The following CAPN10 variants were observed in gnomAD, a reference collection of about 807,000 sequenced individuals.
CAPN10 encodes the protein calpain 10.
A neutral mutation model predicts 78.4 loss-of-function variants in CAPN10; 71 were observed. The ratio of observed to expected loss-of-function variants is 0.91; its 90% CI spans 0.75 to 1.10. The LOEUF (loss-of-function observed/expected upper bound fraction) is 1.10. Among genes scored for constraint, CAPN10 ranks in the 50% least tolerant of loss-of-function variants. CAPN10 has a pLI of 0.00. For synonymous variants in CAPN10, 437 were observed against 407.2 expected, an observed-to-expected ratio of 1.07 and a Z score of -0.88; for missense variants, 849 against 924.6, an observed-to-expected ratio of 0.92 and a Z score of 1.06.
chr2:240,595,329 G>T (rs777620560), intron 7 of CAPN10, 25 bp downstream of exon 7: 2 of 1,606,112 alleles, frequency 1.2e-6, no homozygotes, highest in Non-Finnish European at 1.7e-6. Context: ...TCTGGCTCAC[G>T]CTCGGTTCAG....
At chr2:240,594,075 C>A in intron 5 of CAPN10, 28 bp downstream of exon 5, 1 of 1,548,490 alleles carries the variant, frequency 6.5e-7, no homozygotes, top group South Asian at 1.2e-5. Context: ...GACCATGCTG[C>A]TGTCGGGAGG....
Position 240,586,790 on chromosome 2 carries a change from G to GAGGGC in CAPN10, c.-121_-117dup. The stretch of plus-strand genomic sequence containing the variant: ...AGCACCTGCGGGGCCCTCGGGCTTG[G>GAGGGC]AGGGCTGGGCCGGGCGGGGAACGGG... On this transcript the variant is annotated 5_prime_UTR_variant, in exon 1 of 12. Transcript: ENST00000391984. 3 of 1,030,524 alleles carry GAGGGC rather than the reference G, an allele frequency of 2.9e-6. No homozygotes were observed. The highest frequency in any genetic ancestry group is 3.4e-5 in the East Asian group (1 of 29,618). The allele number at this position is 1,030,524 out of a possible 1,614,324, so 63.8% of individuals were successfully genotyped here.
intron 9 of CAPN10, 86 bp from the exon 10 acceptor site, chr2:240,597,802 G>A (rs549074137): frequency 1.6e-6 from 2 of 1,215,520 alleles, no homozygotes; most frequent in Non-Finnish European, 1.2e-6. Flanking sequence ...GACTCAAGAG[G>A]GCCAAGGGCA....
intron 1 of CAPN10, among the ~76,000 whole-genome samples, chr2:240,587,618 A>T (rs1406137912): frequency 6.6e-6 from 1 of 152,198 alleles, no homozygotes; most frequent in Non-Finnish European, 1.5e-5. Flanking sequence ...CCTTGCCCTA[A>T]GTGGATGCGG....
intron 4 of CAPN10, chr2:240,592,380 C>A: frequency 1.4e-6 from 1 of 693,962 alleles, no homozygotes; most frequent in Non-Finnish European, 2.7e-6. Flanking sequence ...TCCACTAGTG[C>A]GAGGCAGGAA....
chr2:240,587,412 C>T (rs771846026), intron 1 of CAPN10, among the ~76,000 whole-genome samples: 1 of 152,224 alleles, frequency 6.6e-6, no homozygotes, highest in Non-Finnish European at 1.5e-5. Context: ...GCAGAGAGGG[C>T]CGCTCGTGCC....
intron 2 of CAPN10, 48 bp from the exon 3 acceptor site, chr2:240,590,767 G>A (rs1361454011): frequency 1.3e-6 from 2 of 1,575,946 alleles, no homozygotes; most frequent in Non-Finnish European, 1.7e-6. Context: ...GTAGCGCCGG[G>A]TGGTGCTTAT....
intron 7 of CAPN10, 43 bp downstream of exon 7, chr2:240,595,347 T>C (rs1462405054): frequency 2.5e-6 from 4 of 1,595,634 alleles, no homozygotes; most frequent in Admixed American, 1.7e-5. Flanking sequence ...CAGCAGGTGG[T>C]GTGGAGGCCC....
intron 2 of CAPN10, chr2:240,590,521 T>C (rs889721475): frequency 1.9e-5 from 6 of 315,500 alleles, no homozygotes; most frequent in South Asian, 1.2e-4. Context: ...GTTAATTTCA[T>C]GTGGGTGATG....
At position 240,595,117 on chromosome 2, in the gene CAPN10, A is replaced by G. The variant is rs752039061; in HGVS notation, c.1091A>G (p.Asn364Ser). Residue 364 changes from asparagine to serine, a missense_variant, in exon 7 of 12, where the codon AAC becomes AGC. By Grantham distance (46) the Asn-to-Ser change is conservative. Coordinates refer to ENST00000391984, the MANE Select transcript of CAPN10 (RefSeq NM_023083.4). ...CGGAACAACAGCGGCTTTCCCAGCA[A>G]CCCCAAATTCTGGCTGCGGGTCTCA... ...GCRNNSGFPS[N>S]PKFWLRVSEP... is the part of the protein sequence containing the mutation. 2 of 1,613,872 alleles carry G rather than the reference A, an allele frequency of 1.2e-6. No homozygotes were observed. Among genetic ancestry groups the G allele is most frequent in the East Asian group, 2.2e-5 (1 of 44,880 alleles).
intron 6 of CAPN10, 145 bp downstream of exon 6, chr2:240,594,854 G>C: frequency 1.7e-6 from 2 of 1,211,160 alleles, no homozygotes; most frequent in South Asian, 2.9e-5. Flanking sequence ...CCGGGAGGAG[G>C]GTGATGATTC....
Position 240,593,756 on chromosome 2 carries a change from C to T in CAPN10, c.689-150C>T, listed in dbSNP as rs770390216. ...TCACAGCTGCTAAGAAAGGAGCTCTCGTGGTCCATGGGGATCTGGGGTCTC... is the reference window on the plus strand; with the variant it reads ...TCACAGCTGCTAAGAAAGGAGCTCTTGTGGTCCATGGGGATCTGGGGTCTC... On this transcript the variant is annotated intron_variant, in intron 4 of 11. Coordinates refer to ENST00000391984, the MANE Select transcript of CAPN10 (RefSeq NM_023083.4). The T allele has an allele frequency of 3.9e-5, 33 of 854,982 alleles. 1 individual carries two copies. Among genetic ancestry groups the T allele is most frequent in the East Asian group, 1.1e-4 (4 of 36,728 alleles). 53.0% of individuals were successfully genotyped at this position (854,982 alleles called of 1,614,324 possible). A position where few individuals can be genotyped will look rare whatever the true frequency, so the allele number is the denominator to read the frequency against.
chr2:240,596,478 G>A lies in CAPN10; in HGVS notation c.1438G>A (p.Glu480Lys). 1 of 1,612,696 alleles carries A rather than the reference G, an allele frequency of 6.2e-7. No homozygotes were observed. Among genetic ancestry groups the A allele is most frequent in the South Asian group, 1.1e-5 (1 of 91,048 alleles). The change falls in exon 8 of 12, where the codon GAG (glutamate) becomes AAG (lysine). Residue 480 changes from glutamate to lysine, a missense_variant. Coordinates refer to ENST00000391984, the MANE Select transcript of CAPN10 (RefSeq NM_023083.4). ...CACCTTCCTGAAGGACGCGCCAGGG[G>A]AGTTCCTGCTCCGAGTCTTCTCTAC... Reference protein sequence around the residue: ...PSTFLKDAPGEFLLRVFSTGR... With the variant: ...PSTFLKDAPGKFLLRVFSTGR...
At chr2:240,596,279 G>A (rs1280666543) in intron 7 of CAPN10, 40 bp from the exon 8 acceptor site, 7 of 1,562,806 alleles carry the variant, frequency 4.5e-6, no homozygotes, top group African/African-American at 4.1e-5. Flanking sequence ...GTCTGACCCC[G>A]GCCGCTCCTC....
At chr2:240,596,609 A>G in intron 8 of CAPN10, 72 bp from the exon 9 acceptor site, 1 of 1,534,824 alleles carries the variant, frequency 6.5e-7, no homozygotes, top group Non-Finnish European at 8.8e-7. Flanking sequence ...TGTGGTTGGC[A>G]GGTGTCCATG....
intron 3 of CAPN10, chr2:240,591,267 A>T (rs2093100181): frequency 2.1e-6 from 1 of 477,900 alleles, no homozygotes; most frequent in East Asian, 3.4e-5. Context: ...CACAGAGAAC[A>T]TGTGTGCCGT....
intron 7 of CAPN10, chr2:240,595,884 T>C (rs1017786725): frequency 8.8e-6 from 11 of 1,255,656 alleles, no homozygotes; most frequent in Non-Finnish European, 1.1e-5. Context: ...GTCGAGGATA[T>C]GCCGGCTGCT....
intron 1 of CAPN10, 151 bp downstream of exon 1, chr2:240,587,203 T>C (rs2093074078): frequency 2.4e-6 from 1 of 412,286 alleles, no homozygotes; most frequent in Admixed American, 4.4e-5. Flanking sequence ...CCCCCTCTTT[T>C]CGTACCTCCT....
At chr2:240,595,498 G>T in intron 7 of CAPN10, 194 bp downstream of exon 7, 1 of 630,570 alleles carries the variant, frequency 1.6e-6, no homozygotes, top group Non-Finnish European at 2.8e-6. Context: ...ACCTGAGACT[G>T]CAGGTCTTTC....
Sources: gnomAD v4.1 joint callset for allele counts (sites outside exome capture counted in the v4.1 genomes callset) on GRCh38, gnomAD v4.1.1 for gene constraint, MANE v1.5 for transcripts, NCBI Gene and HGNC (gene_info 2026-07-23, HGNC 2026-07-21) for gene names.